Variants in DCN observed in about 807,000 individuals in gnomAD.
The protein encoded by DCN is decorin.
In DCN, 17 loss-of-function variants were observed where a neutral mutation model predicts 36.5. That is an observed-to-expected ratio of 0.47 (90% CI 0.32 to 0.70). DCN has a LOEUF of 0.70. Ranked by LOEUF, DCN falls within the 30% of genes least tolerant of loss-of-function variation. The pLI is 0.04. For synonymous variants in DCN, 163 were observed against 161.4 expected (o/e 1.01, Z -0.07); for missense variants, 389 against 430.1 (o/e 0.90, Z 0.84).
intron 2 of DCN, among the ~76,000 whole-genome samples, chr12:91,173,127 T>C (rs1883077044): frequency 6.6e-6 from 1 of 152,088 alleles, no homozygotes; most frequent in African/African-American, 2.4e-5. Flanking sequence ...TTTTTTTTAA[T>C]TTTTGAGGAA....
At chr12:91,174,348 A>G (rs1883162569) in intron 2 of DCN, among the ~76,000 whole-genome samples, 1 of 152,076 alleles carries the variant, frequency 6.6e-6, no homozygotes, top group Non-Finnish European at 1.5e-5. Flanking sequence ...AGTCTCTAAT[A>G]AGACTCTAAA....
chr12:91,174,582 A>G (rs1033111288), intron 2 of DCN, among the ~76,000 whole-genome samples: 2 of 152,072 alleles, frequency 1.3e-5, no homozygotes, highest in Admixed American at 6.6e-5. Context: ...TATAATAAAC[A>G]TTTGTGCATA....
In DCN at chr12:91,146,215, C is replaced by G. The variant is rs1881004466; in HGVS notation, c.923G>C (p.Gly308Ala). 6.2e-7 allele frequency: 1 copy of G among 1,612,362 alleles called. No individual in the cohort carries two copies. Among genetic ancestry groups the G allele is most frequent in the African/African-American group, 1.3e-5 (1 of 74,878 alleles). Residue 308 changes from glycine (G) to alanine (A), a missense_variant, in exon 8 of 8, where the codon GGA becomes GCA. Coordinates refer to ENST00000052754, the MANE Select transcript of DCN (RefSeq NM_001920.5). ...TCCAGGTGGGCAGAAGTCACTTGAT[C>G]CAACTACAGAGATATTGTTGTTATG... ...YLHNNNISVV[G>A]SSDFCPPGHN...
At chr12:91,160,380 A>G (rs1279731764) in intron 3 of DCN, among the ~76,000 whole-genome samples, 1 of 151,876 alleles carries the variant, frequency 6.6e-6, no homozygotes, top group African/African-American at 2.4e-5. Context: ...ATTATGTTAA[A>G]TGTTTTTAAA....
intron 1 of DCN, among the ~76,000 whole-genome samples, chr12:91,182,229 CT>C (rs1357220473): frequency 1.3e-5 from 2 of 151,962 alleles, no homozygotes; most frequent in African/African-American, 2.4e-5. Flanking sequence ...TTCTTCTGGG[CT>C]TTTAAAAGTC....
At chr12:91,169,982 T>C (rs1199496970) in intron 2 of DCN, 1 of 149,952 alleles carries the variant, frequency 6.7e-6, no homozygotes, top group African/African-American at 2.5e-5. Flanking sequence ...GAGAATGGCG[T>C]GAACCCGGGA....
In DCN at chr12:91,181,869, A is replaced by T. The variant is rs377566318; in HGVS notation, c.-34+786T>A. On this transcript the variant is annotated intron_variant, in intron 1 of 7. Transcript: ENST00000052754. ...ACAAACAAGGGTTACTATAGGAGGC[A>T]TTTGGCTCTTTTCTGGTTAGAAACA... 1.8e-3 allele frequency among the ~76,000 whole-genome samples: 270 copies of T among 150,584 alleles called. 16 individuals are homozygous for T. The South Asian group carries it at 0.057, about 32-fold the overall frequency.
At chr12:91,176,859 A>C (rs1335473914) in intron 2 of DCN, 1 of 152,168 alleles carries the variant, frequency 6.6e-6, no homozygotes, top group Non-Finnish European at 1.5e-5. Context: ...ATATCCATCA[A>C]ATGGTGATTT....
rs372859376 is a variant in DCN, at chr12:91,178,384, G to A, written c.169C>T (p.Arg57Cys). The change falls in exon 2 of 8, where the codon CGC (arginine) becomes TGC (cysteine). Residue 57 changes from arginine to cysteine, a missense_variant. Transcript: ENST00000052754. The stretch of plus-strand genomic sequence containing the variant: ...ACCACTCGAAGATGGCATTGACAGC[G>A]GAAGGGGCACACTGGGCCTAGGGAG... The part of the protein sequence containing the change: ...EPSLGPVCPF[R>C]CQCHLRVVQC... 25 of 1,613,844 alleles carry A rather than the reference G, an allele frequency of 1.5e-5. No individual in the cohort carries two copies. Among genetic ancestry groups the A allele is most frequent in the African/African-American group, 4.0e-5 (3 of 74,880 alleles).
intron 7 of DCN, 22 bp downstream of exon 7, chr12:91,151,632 A>G (rs1881426592): frequency 6.2e-7 from 1 of 1,613,742 alleles, no homozygotes. Context: ...TATTCCTCAC[A>G]TAAGCAGTGG....
chr12:91,170,494 T>C (rs146587301), intron 2 of DCN, among the ~76,000 whole-genome samples: 303 of 152,322 alleles, frequency 2.0e-3, no homozygotes, highest in South Asian at 5.4e-3. Flanking sequence ...GGGGTGCTTG[T>C]CTACCAAGTT....
intron 3 of DCN, among the ~76,000 whole-genome samples, chr12:91,160,597 G>C (rs973328922): frequency 6.6e-6 from 1 of 151,996 alleles, no homozygotes; most frequent in Non-Finnish European, 1.5e-5. Flanking sequence ...TAACCTTTCT[G>C]TGCCCATTTA....
intron 3 of DCN, among the ~76,000 whole-genome samples, chr12:91,161,788 G>C (rs748633952): frequency 6.6e-6 from 1 of 151,980 alleles, no homozygotes; most frequent in African/African-American, 2.4e-5. Flanking sequence ...CTCCTTCCTC[G>C]CATATTCTCT....
chr12:91,152,449 A>G (rs1034321702), intron 6 of DCN, among the ~76,000 whole-genome samples: 1 of 152,156 alleles, frequency 6.6e-6, no homozygotes, highest in Non-Finnish European at 1.5e-5. Context: ...CAAAAAGAAC[A>G]TAGTGTTCCT....
At chr12:91,158,239 A>C in intron 4 of DCN, 57 bp downstream of exon 4, 1 of 1,096,716 alleles carries the variant, frequency 9.1e-7, no homozygotes. Flanking sequence ...AACCCAGTTG[A>C]AATCTCTTAA....
intron 7 of DCN, chr12:91,151,143 C>G (rs1881386494): frequency 6.1e-6 from 1 of 164,218 alleles, no homozygotes; most frequent in African/African-American, 2.4e-5. Flanking sequence ...AGCAAACCAC[C>G]ATGGCACACG....
chr12:91,151,674 C>T lies in DCN; in HGVS notation c.865G>A (p.Ala289Thr). Reference protein sequence around the residue: ...NKLTRVPGGLAEHKYIQVVYL... With the variant: ...NKLTRVPGGLTEHKYIQVVYL... ...ATTACCTGGATGTACTTATGCTCTG[C>T]CAGCCCACCAGGTACTCTGGTAAGC... is the stretch of plus-strand genomic sequence containing the variant. Residue 289 changes from alanine to threonine, a missense_variant, in exon 7 of 8, where the codon GCA (alanine) becomes ACA (threonine). Ala to Thr is a moderately conservative substitution (Grantham distance 58). Coordinates refer to ENST00000052754, the MANE Select transcript of DCN (RefSeq NM_001920.5). 1.2e-6 allele frequency: 2 copies of T among 1,613,982 alleles called. No homozygotes were observed. The highest frequency in any genetic ancestry group is 1.7e-6 in the Non-Finnish European group (2 of 1,179,928).
chr12:91,148,242 T>C (rs1881164949), intron 7 of DCN, among the ~76,000 whole-genome samples: 1 of 151,604 alleles, frequency 6.6e-6, no homozygotes, highest in Non-Finnish European at 1.5e-5. Context: ...CCCGGCTAAT[T>C]TTTTGTATTT....
intron 2 of DCN, among the ~76,000 whole-genome samples, chr12:91,169,108 A>T (rs1882768545): frequency 6.6e-6 from 1 of 152,216 alleles, no homozygotes; most frequent in African/African-American, 2.4e-5. Context: ...GAGTTAAGAG[A>T]TGTTTTAGCT....
Sources: allele counts gnomAD v4.1 joint callset (sites outside exome capture counted in the v4.1 genomes callset), GRCh38; gene constraint gnomAD v4.1.1; transcripts MANE v1.5; gene names NCBI Gene and HGNC (gene_info 2026-07-23, HGNC 2026-07-21).